The following RBFOX1 variants were observed in gnomAD, a reference collection of about 807,000 sequenced individuals.
The protein encoded by RBFOX1 is RNA binding fox-1 homolog 1, also known as RNA binding protein fox-1 homolog 1.
RBFOX1 carries 8 observed loss-of-function variants against 57.7 expected under a neutral mutation model. That is an observed-to-expected ratio of 0.14 (90% CI 0.08 to 0.25). The LOEUF (loss-of-function observed/expected upper bound fraction) is 0.25. RBFOX1 is among the 10% of genes least tolerant of loss of function. The pLI, the probability that RBFOX1 is intolerant of heterozygous loss-of-function variation, is 1.00. For missense variants in RBFOX1, 611 were observed against 548.5 expected (o/e 1.11, Z -1.14); for synonymous variants, 326 against 222.4 (o/e 1.47, Z -4.15).
chr16:6,228,533 A>C, intron 1 of RBFOX1, among the ~76,000 whole-genome samples: 1 of 152,186 alleles, frequency 6.6e-6, no homozygotes, highest in East Asian at 1.9e-4. Flanking sequence ...AACCTGGAGG[A>C]CATTATGCTA....
At chr16:5,449,731 C>A (rs1001700757) in intron 1 of RBFOX1, among the ~76,000 whole-genome samples, 1 of 152,130 alleles carries the variant, frequency 6.6e-6, no homozygotes, top group African/African-American at 2.4e-5. Context: ...ACCTCAGCCC[C>A]CCGAGTAGAT....
chr16:6,080,024 G>A lies in RBFOX1; in HGVS notation c.-127+60032G>A, dbSNP rs538883530. Among the ~76,000 whole-genome samples, 6 of 152,246 alleles carry A rather than the reference G, an allele frequency of 3.9e-5. No individual in the cohort carries two copies. In the South Asian group the frequency reaches 1.2e-3, roughly 32 times the overall value. On this transcript the variant is annotated intron_variant, in intron 1 of 15. Transcript: ENST00000550418. ...CATGTAACAATCCTCCTAAGTTCTGGGAGTGAATTTAAGTCTGGTAATGCT... is the reference window on the plus strand; with the variant it reads ...CATGTAACAATCCTCCTAAGTTCTGAGAGTGAATTTAAGTCTGGTAATGCT...
At chr16:6,792,301 A>G (rs542893509) in intron 3 of RBFOX1, among the ~76,000 whole-genome samples, 1 of 152,204 alleles carries the variant, frequency 6.6e-6, no homozygotes. Context: ...AAGTTTGGAA[A>G]ACGTTGCTCA....
chr16:6,045,404 A>T (rs1275282744), intron 1 of RBFOX1, among the ~76,000 whole-genome samples: 1 of 152,152 alleles, frequency 6.6e-6, no homozygotes, highest in Non-Finnish European at 1.5e-5. Context: ...TCTAATTTGG[A>T]TGATCGAATT....
chr16:5,799,273 A>G (rs1394540618), intron 3 of RBFOX1, among the ~76,000 whole-genome samples: 2 of 152,008 alleles, frequency 1.3e-5, no homozygotes, highest in Non-Finnish European at 2.9e-5. Flanking sequence ...TTTATCTCCC[A>G]CTGGGTTCCT....
chr16:6,297,968 T>C (rs1463178041), intron 1 of RBFOX1, among the ~76,000 whole-genome samples: 1 of 152,230 alleles, frequency 6.6e-6, no homozygotes, highest in Admixed American at 6.5e-5. Flanking sequence ...CAATTCTGTG[T>C]GTGACCCAGT....
At chr16:6,777,542 T>G (rs1193578538) in intron 3 of RBFOX1, among the ~76,000 whole-genome samples, 7 of 152,160 alleles carry the variant, frequency 4.6e-5, no homozygotes, top group Admixed American at 1.3e-4. Context: ...CTGAGGGAAC[T>G]TTAGACCTTG....
intron 1 of RBFOX1, among the ~76,000 whole-genome samples, chr16:5,371,449 G>A (rs2065854467): frequency 6.6e-6 from 1 of 152,202 alleles, no homozygotes. Flanking sequence ...AACCCATCCT[G>A]CCAACGCTTT....
chr16:7,692,612 C>T (rs562459439), intron 14 of RBFOX1, among the ~76,000 whole-genome samples: 23 of 152,176 alleles, frequency 1.5e-4, no homozygotes, highest in African/African-American at 4.1e-4. Context: ...TATTTGTAGA[C>T]GAATTAGTAC....
chr16:5,770,516 A>G (rs528894361), intron 3 of RBFOX1, among the ~76,000 whole-genome samples: 54 of 152,168 alleles, frequency 3.5e-4, no homozygotes, highest in Admixed American at 6.5e-4. Context: ...AGGAGTTGTT[A>G]TAAATAAAGC....
Position 6,876,728 on chromosome 16 carries a change from C to G in RBFOX1, c.-15-175329C>G, listed in dbSNP as rs1030993560. Among the ~76,000 whole-genome samples the G allele has an allele frequency of 5.3e-5, 8 of 152,118 alleles. No homozygotes were observed. The South Asian group carries it at 8.3e-4, about 16-fold the overall frequency. On this transcript the variant is annotated intron_variant, in intron 3 of 15. Transcript: ENST00000550418. ...ATCTGCCGTCTGATCAAGAGAGAACCCATAGTCCCTGCATTGTAATTTGTG... is the reference window on the plus strand; with the variant it reads ...ATCTGCCGTCTGATCAAGAGAGAACGCATAGTCCCTGCATTGTAATTTGTG...
Position 6,512,908 on chromosome 16 carries a change from A to C in RBFOX1, c.-63-141695A>C, listed in dbSNP as rs148793798. 4.9e-3 allele frequency among the ~76,000 whole-genome samples: 743 copies of C among 152,256 alleles called. 21 individuals carry two copies. In the East Asian group the frequency reaches 0.094, roughly 19 times the overall value. ...AGGTTTTTAACTAGAGAGAATGTCAACTCTGCATTGGCCTTCTATCTTTTG... is the reference window on the plus strand; with the variant it reads ...AGGTTTTTAACTAGAGAGAATGTCACCTCTGCATTGGCCTTCTATCTTTTG... On this transcript the variant is annotated intron_variant, in intron 2 of 15. Coordinates refer to ENST00000550418, the MANE Select transcript of RBFOX1 (RefSeq NM_018723.4).
chr16:7,029,730 G>A (rs965689344), intron 3 of RBFOX1, among the ~76,000 whole-genome samples: 1 of 152,134 alleles, frequency 6.6e-6, no homozygotes, highest in African/African-American at 2.4e-5. Context: ...GCATCTCATG[G>A]TGTAACCACT....
chr16:7,038,189 G>C (rs1054538022), intron 3 of RBFOX1, among the ~76,000 whole-genome samples: 1 of 152,098 alleles, frequency 6.6e-6, no homozygotes, highest in East Asian at 1.9e-4. Flanking sequence ...ATAGGGTAAC[G>C]ATGGTCCCAG....
At chr16:7,413,124 G>C (rs993141748) in intron 4 of RBFOX1, among the ~76,000 whole-genome samples, 1 of 152,016 alleles carries the variant, frequency 6.6e-6, no homozygotes, top group Admixed American at 6.6e-5. Context: ...TTGAGAAGCA[G>C]TGATGGGGAA....
chr16:5,287,789 C>T (rs995664106), intron 1 of RBFOX1, among the ~76,000 whole-genome samples: 3 of 152,172 alleles, frequency 2.0e-5, no homozygotes, highest in African/African-American at 7.2e-5. Context: ...CAAAGCTAGA[C>T]ACAGGACTAA....
chr16:5,923,927 T>C (rs1247290072), intron 4 of RBFOX1, among the ~76,000 whole-genome samples: 2 of 152,158 alleles, frequency 1.3e-5, no homozygotes, highest in Non-Finnish European at 2.9e-5. Context: ...ACATGGTTTG[T>C]CTGTGTCTCC....
In RBFOX1 at chr16:6,124,176, C is replaced by T. The variant is rs187866183; in HGVS notation, c.-127+104184C>T. On this transcript the variant is annotated intron_variant, in intron 1 of 15. Transcript: ENST00000550418. ...CATTTCACTAAGAGGTATTTGGCATCAAAAACTGAAACTGGATTCCCTTTT... is the reference window on the plus strand; with the variant it reads ...CATTTCACTAAGAGGTATTTGGCATTAAAAACTGAAACTGGATTCCCTTTT... Among the ~76,000 whole-genome samples the T allele has an allele frequency of 3.2e-4, 48 of 152,256 alleles. 1 individual carries two copies. The highest frequency in any genetic ancestry group is 3.4e-3 in the Middle Eastern group (1 of 294).
intron 4 of RBFOX1, among the ~76,000 whole-genome samples, chr16:7,288,262 A>G (rs535475743): frequency 1.1e-4 from 16 of 152,346 alleles, no homozygotes; most frequent in Non-Finnish European, 1.2e-4. Context: ...TCTCACATCA[A>G]TTGTTCAACT....
Sources: allele counts gnomAD v4.1 joint callset (sites outside exome capture counted in the v4.1 genomes callset), GRCh38; gene constraint gnomAD v4.1.1; transcripts MANE v1.5; gene names NCBI Gene and HGNC (gene_info 2026-07-23, HGNC 2026-07-21).